The following CACNA1S variants were observed in gnomAD, a reference collection of about 807,000 sequenced individuals.
The protein encoded by CACNA1S is calcium voltage-gated channel subunit alpha1 S.
CACNA1S carries 126 observed loss-of-function variants against 207.4 expected under a neutral mutation model. The ratio of observed to expected loss-of-function variants is 0.61; its 90% CI spans 0.53 to 0.70. The LOEUF (loss-of-function observed/expected upper bound fraction) is 0.70. Among genes scored for constraint, CACNA1S ranks in the 30% least tolerant of loss-of-function variants. The pLI is 0.00. For missense variants in CACNA1S, 2,349 were observed against 2,422.8 expected (o/e 0.97, Z 0.64); for synonymous variants, 960 against 932.7 (o/e 1.03, Z -0.53).
At position 201,110,158 on chromosome 1, in the gene CACNA1S, T is replaced by A. The variant is rs376899610; in HGVS notation, c.258+6A>T. The A allele has an allele frequency of 3.7e-6, 6 of 1,613,518 alleles. No homozygotes were observed. Among genetic ancestry groups the A allele is most frequent in the Non-Finnish European group, 3.4e-6 (4 of 1,179,448 alleles). ...GCAGGAAGGGAGATGGAAGGGCCAA[T>A]CTTACCAGGCCGAGGTTCAGAGAGT... On this transcript the variant is annotated splice_donor_region_variant and intron_variant, in intron 2 of 43. Transcript: ENST00000362061.
rs1284109986 is a variant in CACNA1S, at chr1:201,078,122, C to T, written c.1394-18G>A. The stretch of plus-strand genomic sequence containing the variant: ...GGCAATGTCTGTAGGGTTGGTGGCA[C>T]AGCCCCGGCATCACTCTCCTTCCCT... On this transcript the variant is annotated intron_variant, in intron 10 of 43. Transcript: ENST00000362061. The T allele has an allele frequency of 6.3e-7, 1 of 1,581,310 alleles. No individual in the cohort carries two copies. The highest frequency in any genetic ancestry group is 1.7e-5 in the Admixed American group (1 of 59,996).
chr1:201,053,982 G>A lies in CACNA1S; in HGVS notation c.3667-395C>T, dbSNP rs933032638. Among the ~76,000 whole-genome samples the A allele has an allele frequency of 5.3e-5, 8 of 152,166 alleles. No homozygotes were observed. The highest frequency in any genetic ancestry group is 2.1e-4 in the South Asian group (1 of 4,828). ...GCCCTCCTAGGGCTCCTCCCCTGGC[G>A]TCCTCCCAGTGCAAAGATTTCCCAA... On this transcript the variant is annotated intron_variant, in intron 29 of 43. Transcript: ENST00000362061. The surrounding 1 kb of genome is among the most constrained non-coding windows in gnomAD (Gnocchi z 5.1).
At chr1:201,092,909 T>C (rs932323631) in intron 3 of CACNA1S, among the ~76,000 whole-genome samples, 1 of 152,216 alleles carries the variant, frequency 6.6e-6, no homozygotes, top group African/African-American at 2.4e-5. Context: ...GAGCCGAGAC[T>C]GCTTTGGCTT....
intron 23 of CACNA1S, 129 bp from the exon 24 acceptor site, chr1:201,062,219 C>G (rs551354241): frequency 8.2e-7 from 1 of 1,223,374 alleles, no homozygotes; most frequent in South Asian, 1.3e-5. Context: ...CAAGGGGACA[C>G]CGCTGGGCGA....
chr1:201,066,767 C>G lies in CACNA1S; in HGVS notation c.2657+120G>C. The stretch of plus-strand genomic sequence containing the variant: ...CAGGACCCCCTGCCTCCATCGGAGG[C>G]CCCGAGAGACCCTCCTCTTGTGGCA... On this transcript the variant is annotated intron_variant, in intron 20 of 43. Transcript: ENST00000362061. This position sits in a 1 kb window ranked among gnomAD's most constrained non-coding sequence, Gnocchi z 4.3. 2.6e-6 allele frequency: 2 copies of G among 762,808 alleles called. No individual in the cohort carries two copies. Among genetic ancestry groups the G allele is most frequent in the Admixed American group, 4.0e-5 (2 of 49,732 alleles). The allele number at this position is 762,808 out of a possible 1,614,324, so 47.3% of individuals were successfully genotyped here.
At chr1:201,081,269 C>T (rs951004180) in intron 10 of CACNA1S, among the ~76,000 whole-genome samples, 9 of 152,238 alleles carry the variant, frequency 5.9e-5, no homozygotes, top group Non-Finnish European at 1.0e-4. Flanking sequence ...TTCACAAGCT[C>T]GCTGCTCTGG....
At chr1:201,064,129 A>G (rs1234494257) in intron 22 of CACNA1S, among the ~76,000 whole-genome samples, 2 of 152,210 alleles carry the variant, frequency 1.3e-5, no homozygotes, top group African/African-American at 4.8e-5. Context: ...CGGCTCATTC[A>G]TTCCTTCAGG....
chr1:201,062,976 C>T (rs969334284), intron 22 of CACNA1S, among the ~76,000 whole-genome samples: 5 of 152,222 alleles, frequency 3.3e-5, no homozygotes, highest in African/African-American at 1.2e-4. Context: ...CCTCCATCCT[C>T]CTGCCAGTGG....
At position 201,076,995 on chromosome 1, in the gene CACNA1S, C is replaced by T; in HGVS notation, c.1752G>A (p.Arg584=). The T allele has an allele frequency of 6.2e-7, 1 of 1,614,212 alleles. No individual in the cohort carries two copies. Among genetic ancestry groups the T allele is most frequent in the Non-Finnish European group, 8.5e-7 (1 of 1,180,034 alleles). ...GTACTTCTGTGTCTTCAAAGTCATACCTCCCCCCAAAGAGCTGCATGCCCA... is the reference window on the plus strand; with the variant it reads ...GTACTTCTGTGTCTTCAAAGTCATATCTCCCCCCAAAGAGCTGCATGCCCA... The part of the protein sequence containing the change: ...ALLGMQLFGG[R]YDFEDTEVRR... Residue 584 remains arginine, a synonymous_variant, in exon 12 of 44, where the codon AGG becomes AGA. Transcript: ENST00000362061.
intron 19 of CACNA1S, among the ~76,000 whole-genome samples, chr1:201,068,534 C>T (rs962144437): frequency 1.0e-4 from 15 of 150,206 alleles, no homozygotes; most frequent in Admixed American, 4.6e-4. Flanking sequence ...TGAGCCACTG[C>T]GCCCGGCCAC....
chr1:201,098,020 C>G (rs933298129), intron 2 of CACNA1S, among the ~76,000 whole-genome samples: 1 of 152,226 alleles, frequency 6.6e-6, no homozygotes, highest in African/African-American at 2.4e-5. Flanking sequence ...CTCTCACCCC[C>G]CAACTGTCTA....
chr1:201,062,525 G>A lies in CACNA1S; in HGVS notation c.2854-11C>T. 1 of 1,114,154 alleles carries A rather than the reference G, an allele frequency of 9.0e-7. No homozygotes were observed. Among genetic ancestry groups the A allele is most frequent in the Non-Finnish European group, 1.3e-6 (1 of 769,740 alleles). The allele number at this position is 1,114,154 out of a possible 1,614,324, so 69.0% of individuals were successfully genotyped here. A position where few individuals can be genotyped will look rare whatever the true frequency, so the allele number is the denominator to read the frequency against. ...CCTGAAGAACTTCCCCTGCAGCCAG[G>A]AAGAGGGAGGGAGGGAGGGAGGCAT... On this transcript the variant is annotated splice_polypyrimidine_tract_variant and intron_variant, in intron 22 of 43. Coordinates refer to ENST00000362061, the MANE Select transcript of CACNA1S (RefSeq NM_000069.3).
At chr1:201,106,609 T>C (rs1041576392) in intron 2 of CACNA1S, among the ~76,000 whole-genome samples, 4 of 152,176 alleles carry the variant, frequency 2.6e-5, no homozygotes, top group Admixed American at 1.3e-4. Flanking sequence ...TCAGCCCCTT[T>C]CTCAGCCTAC....
chr1:201,092,336 T>G (rs1201350711), intron 3 of CACNA1S, among the ~76,000 whole-genome samples: 2 of 151,994 alleles, frequency 1.3e-5, no homozygotes, highest in Non-Finnish European at 2.9e-5. Flanking sequence ...GTGAAAAGAG[T>G]ATGGTGCTCC....
intron 25 of CACNA1S, 104 bp from the exon 26 acceptor site, chr1:201,060,920 A>AG (rs1183750138): frequency 7.1e-7 from 1 of 1,412,290 alleles, no homozygotes; most frequent in Admixed American, 1.7e-5. Context: ...AGCTGTGGCC[A>AG]GGGGCTGTGG....
intron 39 of CACNA1S, 106 bp downstream of exon 39, chr1:201,044,222 C>G: frequency 7.0e-7 from 1 of 1,436,836 alleles, no homozygotes; most frequent in Non-Finnish European, 9.7e-7. Context: ...GTATCTTCAG[C>G]TCCCATGTCC....
intron 40 of CACNA1S, chr1:201,041,800 A>T (rs1660235942): frequency 1.1e-5 from 7 of 633,314 alleles, no homozygotes; most frequent in Non-Finnish European, 1.7e-5. Context: ...TCCTGACTCC[A>T]CTCCTTTGCT....
chr1:201,060,175 A>G (rs1262693171), intron 26 of CACNA1S, among the ~76,000 whole-genome samples: 2 of 152,226 alleles, frequency 1.3e-5, no homozygotes, highest in East Asian at 3.8e-4. Flanking sequence ...TCCTATTTAT[A>G]CAGGGCTTAA....
At position 201,091,981 on chromosome 1, in the gene CACNA1S, C is replaced by A; in HGVS notation, c.532G>T (p.Gly178Trp). The A allele has an allele frequency of 1.2e-6, 2 of 1,614,136 alleles. No individual in the cohort carries two copies. Among genetic ancestry groups the A allele is most frequent in the Non-Finnish European group, 1.7e-6 (2 of 1,179,994 alleles). Residue 178 changes from glycine (G) to tryptophan (W), a missense_variant, in exon 4 of 44, where the codon GGG becomes TGG. Transcript: ENST00000362061. Reference protein sequence around the residue: ...RVLRPLRLVSGVPSLQVVLNS... With the variant: ...RVLRPLRLVSWVPSLQVVLNS... ...GGACACTGCCACCCACTAGGCACCC[C>A]CGACACCAGCCGGAGGGGTCTGAGC...
Sources: allele counts gnomAD v4.1 joint callset (sites outside exome capture counted in the v4.1 genomes callset), GRCh38; gene constraint gnomAD v4.1.1; non-coding constraint Gnocchi (gnomAD v3.1); transcripts MANE v1.5; gene names NCBI Gene and HGNC (gene_info 2026-07-23, HGNC 2026-07-21).